PDE5A: variants seen among roughly 807,000 people sequenced by gnomAD.
PDE5A encodes phosphodiesterase 5A, also known as cGMP-specific 3',5'-cyclic phosphodiesterase.
A neutral mutation model predicts 110.2 loss-of-function variants in PDE5A; 67 were observed. The observed-to-expected ratio is 0.61, with a 90% CI of 0.50 to 0.75. The LOEUF is 0.75. Ranked by LOEUF, PDE5A falls within the 30% of genes least tolerant of loss-of-function variation. The probability of loss-of-function intolerance (pLI) is 0.00; values close to 1 mark genes in which losing one functional copy is unlikely to be tolerated. For missense variants in PDE5A, 862 were observed against 1,045.1 expected (o/e 0.82, Z 2.42); for synonymous variants, 328 against 351.2 (o/e 0.93, Z 0.74).
chr4:119,544,415 C>G (rs764526000), intron 9 of PDE5A, among the ~76,000 whole-genome samples: 12 of 152,132 alleles, frequency 7.9e-5, no homozygotes, highest in Non-Finnish European at 1.5e-4. Context: ...CGTTCATTAT[C>G]TTAAATGTAT....
At chr4:119,575,984 G>A (rs4834782) in intron 3 of PDE5A, among the ~76,000 whole-genome samples, 15,626 of 152,202 alleles carry the variant, frequency 0.1, 1,032 homozygotes, top group Non-Finnish European at 0.15. Context: ...ATAAAGGGAC[G>A]CAGGAAAATC....
At chr4:119,573,581 C>G (rs967162905) in intron 3 of PDE5A, among the ~76,000 whole-genome samples, 2 of 152,104 alleles carry the variant, frequency 1.3e-5, no homozygotes, top group African/African-American at 4.8e-5. Flanking sequence ...TTAGATATTT[C>G]TTTAAGTGAC....
intron 3 of PDE5A, among the ~76,000 whole-genome samples, chr4:119,577,388 GA>G (rs1313957310): frequency 1.3e-5 from 2 of 152,106 alleles, no homozygotes; most frequent in African/African-American, 4.8e-5. Flanking sequence ...CACAAAAAAA[GA>G]GAATTTTACA....
chr4:119,596,667 G>T, intron 2 of PDE5A, 55 bp from the exon 3 acceptor site: 1 of 971,056 alleles, frequency 1.0e-6, no homozygotes, highest in South Asian at 1.7e-5. Context: ...AGATTGATTT[G>T]ATTTTTCTGA....
At chr4:119,584,732 G>T (rs966846593) in intron 3 of PDE5A, among the ~76,000 whole-genome samples, 1 of 152,030 alleles carries the variant, frequency 6.6e-6, no homozygotes, top group Non-Finnish European at 1.5e-5. Context: ...GCTTGATCTT[G>T]CCTCTGTCTA....
At position 119,596,556 on chromosome 4, in the gene PDE5A, A is replaced by G; in HGVS notation, c.798T>C (p.Ile266=). ...DQITGYKTQS[I]LCMPIKNHRE... ...TATGATTCTTAATTGGCATACAAAGAATGCTTTGTGTCTTGTAGCCTGTAA... is the reference window on the plus strand; with the variant it reads ...TATGATTCTTAATTGGCATACAAAGGATGCTTTGTGTCTTGTAGCCTGTAA... The change falls in exon 3 of 21, where the codon ATT becomes ATC. Residue 266 remains isoleucine (I), a synonymous_variant. Transcript: ENST00000354960. The G allele has an allele frequency of 6.3e-7, 1 of 1,598,296 alleles. No individual in the cohort carries two copies. The highest frequency in any genetic ancestry group is 8.5e-7 in the Non-Finnish European group (1 of 1,171,670).
At position 119,498,173 on chromosome 4, in the gene PDE5A, T is replaced by G. The variant is rs1725152655; in HGVS notation, c.*428A>C. The G allele has an allele frequency of 6.4e-6, 1 of 155,862 alleles. No individual in the cohort carries two copies. Among genetic ancestry groups the G allele is most frequent in the Admixed American group, 6.3e-5 (1 of 15,894 alleles). The allele number at this position is 155,862 out of a possible 1,614,324, so 9.7% of individuals were successfully genotyped here. On this transcript the variant is annotated 3_prime_UTR_variant, in exon 21 of 21. Transcript: ENST00000354960. ...TATAAAGGCTTTAAATGTCACAGAA[T>G]GTATGATAATTTGCTCCTAACCTAC...
chr4:119,609,595 T>A (rs1175048957), intron 1 of PDE5A, among the ~76,000 whole-genome samples: 1 of 152,130 alleles, frequency 6.6e-6, no homozygotes, highest in Non-Finnish European at 1.5e-5. Context: ...ATCTAGAATG[T>A]AATCGGTCAA....
intron 3 of PDE5A, among the ~76,000 whole-genome samples, chr4:119,574,275 C>T (rs530843762): frequency 2.1e-4 from 32 of 149,622 alleles, no homozygotes; most frequent in South Asian, 1.3e-3. Context: ...CTCTGGCTCC[C>T]GGGTTCAAGC....
intron 2 of PDE5A, among the ~76,000 whole-genome samples, chr4:119,604,679 T>C (rs933855248): frequency 6.6e-6 from 1 of 152,138 alleles, no homozygotes; most frequent in Non-Finnish European, 1.5e-5. Context: ...CTAGATGAAG[T>C]ATCACACCCC....
intron 1 of PDE5A, among the ~76,000 whole-genome samples, chr4:119,619,185 T>G (rs1055642139): frequency 2.6e-5 from 4 of 152,180 alleles, no homozygotes; most frequent in Non-Finnish European, 2.9e-5. Flanking sequence ...GTTGGCTACT[T>G]TTCCTGCTCT....
chr4:119,535,903 G>A (rs150150220), intron 11 of PDE5A, among the ~76,000 whole-genome samples: 469 of 152,216 alleles, frequency 3.1e-3, no homozygotes, highest in African/African-American at 0.011. Flanking sequence ...TTTAAATTGA[G>A]ATAACCAGAC....
rs569265873 is a variant in PDE5A at position 119,542,394 on chromosome 4, A to G, written c.1572+65T>C. On this transcript the variant is annotated intron_variant, in intron 10 of 20. Coordinates refer to ENST00000354960, the MANE Select transcript of PDE5A (RefSeq NM_001083.4). ...GAACACACACACACCATGAGTGATT[A>G]TGAGGGAAAGGTAAAAGATGAGGGT... The G allele has an allele frequency of 1.2e-3, 1,759 of 1,462,420 alleles. 4 individuals are homozygous for G. Among genetic ancestry groups the G allele is most frequent in the Middle Eastern group, 5.7e-3 (29 of 5,052 alleles). 90.6% of individuals were successfully genotyped at this position (1,462,420 alleles called of 1,614,324 possible). A position where few individuals can be genotyped will look rare whatever the true frequency, so the allele number is the denominator to read the frequency against.
intron 11 of PDE5A, among the ~76,000 whole-genome samples, chr4:119,537,206 A>C (rs9884290): frequency 0.015 from 2,289 of 152,098 alleles, 60 homozygotes; most frequent in African/African-American, 0.052. Flanking sequence ...ACCTAACCAA[A>C]CAATAAAAAA....
At chr4:119,523,874 A>G (rs2110472087) in intron 12 of PDE5A, among the ~76,000 whole-genome samples, 1 of 152,190 alleles carries the variant, frequency 6.6e-6, no homozygotes, top group East Asian at 1.9e-4. Flanking sequence ...GATACTATAT[A>G]GGTTTATAAA....
chr4:119,602,444 A>T (rs1452383105), intron 2 of PDE5A, among the ~76,000 whole-genome samples: 1 of 152,204 alleles, frequency 6.6e-6, no homozygotes, highest in Non-Finnish European at 1.5e-5. Flanking sequence ...AATTTTAAAA[A>T]GGAAACAACA....
At chr4:119,540,163 C>CA (rs533534435) in intron 10 of PDE5A, among the ~76,000 whole-genome samples, 4 of 151,040 alleles carry the variant, frequency 2.6e-5, no homozygotes, top group African/African-American at 4.9e-5. Context: ...CACAGATTTA[C>CA]AAAAAAAACC....
intron 7 of PDE5A, among the ~76,000 whole-genome samples, chr4:119,558,789 C>T (rs1727631318): frequency 1.3e-5 from 2 of 150,518 alleles, no homozygotes; most frequent in African/African-American, 2.4e-5. Context: ...TAGTGGCGGG[C>T]GCCTGTAGTC....
At chr4:119,591,933 C>T (rs555855418) in intron 3 of PDE5A, among the ~76,000 whole-genome samples, 174 of 151,728 alleles carry the variant, frequency 1.1e-3, no homozygotes, top group Middle Eastern at 6.8e-3. Context: ...AGGCGGATCA[C>T]GAGGTCAAGA....
Sources: gnomAD v4.1 joint callset for allele counts (sites outside exome capture counted in the v4.1 genomes callset) on GRCh38, gnomAD v4.1.1 for gene constraint, MANE v1.5 for transcripts, NCBI Gene and HGNC (gene_info 2026-07-23, HGNC 2026-07-21) for gene names.